Variants in TNRC18 observed in about 807,000 individuals in gnomAD.
TNRC18 encodes the protein trinucleotide repeat containing 18, also known as trinucleotide repeat-containing gene 18 protein.
TNRC18 carries 69 observed loss-of-function variants against 226.7 expected under a neutral mutation model. The observed-to-expected ratio is 0.30, with a 90% CI of 0.25 to 0.37. The LOEUF is 0.37. TNRC18 is among the 10% of genes least tolerant of loss of function. The pLI is 1.00. For synonymous variants in TNRC18, 2,449 were observed against 1,927.6 expected, an observed-to-expected ratio of 1.27 and a Z score of -7.09; for missense variants, 4,754 against 4,256.6, an observed-to-expected ratio of 1.12 and a Z score of -3.25.
At chr7:5,325,342 T>C (rs1403335268) in intron 19 of TNRC18, 94 bp from the exon 20 acceptor site, 2 of 1,427,768 alleles carry the variant, frequency 1.4e-6, no homozygotes, top group African/African-American at 1.5e-5. Context: ...CCAAGTTCTG[T>C]GCCACCCCAA....
In TNRC18 at chr7:5,345,547, C is replaced by CCCCCCCCCCCCCT; in HGVS notation, c.5719+14_5719+15insAGGGGGGGGGGGG. ...TCCCACCCACCCCCACCGCAGCCCACCTGCTGCCACTTACCCAGCAGGCTC... is the reference window on the plus strand; with the variant it reads ...TCCCACCCACCCCCACCGCAGCCCACCCCCCCCCCCCCTCTGCTGCCACTTACCCAGCAGGCTC... On this transcript the variant is annotated intron_variant, in intron 18 of 29. Coordinates refer to ENST00000430969, the MANE Select transcript of TNRC18 (RefSeq NM_001080495.3). 6.9e-7 allele frequency: 1 copy of CCCCCCCCCCCCCT among 1,447,874 alleles called. No individual in the cohort carries two copies. The highest frequency in any genetic ancestry group is 2.8e-5 in the East Asian group (1 of 36,350). 89.7% of individuals were successfully genotyped at this position (1,447,874 alleles called of 1,614,324 possible). A position where few individuals can be genotyped will look rare whatever the true frequency, so the allele number is the denominator to read the frequency against.
chr7:5,397,425 C>T (rs1392225134), intron 2 of TNRC18, among the ~76,000 whole-genome samples: 1 of 152,230 alleles, frequency 6.6e-6, no homozygotes, highest in African/African-American at 2.4e-5. Flanking sequence ...CCAACGGCTC[C>T]TGCCCACCAC....
chr7:5,372,382 C>T (rs9718797), intron 10 of TNRC18, among the ~76,000 whole-genome samples: 50,150 of 149,690 alleles, frequency 0.34, 9,192 homozygotes, highest in South Asian at 0.43. Context: ...CGGCCGTGCC[C>T]GGCTAATTTT....
rs529273956 is a variant in TNRC18 at position 5,399,479 on chromosome 7, G to A, written c.188-4884C>T. The stretch of plus-strand genomic sequence containing the variant: ...TATAATCCCAGCACTTTGGGAGGAC[G>A]AGGCGGGCAGATCACTTGAGGCCAG... On this transcript the variant is annotated intron_variant, in intron 2 of 29. Coordinates refer to ENST00000430969, the MANE Select transcript of TNRC18 (RefSeq NM_001080495.3). Among the ~76,000 whole-genome samples, 13 of 151,492 alleles carry A rather than the reference G, an allele frequency of 8.6e-5. No homozygotes were observed. In the South Asian group the frequency reaches 1.3e-3, roughly 15 times the overall value.
intron 16 of TNRC18, among the ~76,000 whole-genome samples, chr7:5,356,034 C>T (rs988393368): frequency 1.3e-5 from 2 of 151,944 alleles, no homozygotes; most frequent in Non-Finnish European, 2.9e-5. Flanking sequence ...TGTGGTGGCA[C>T]AAGCCTGTAG....
chr7:5,353,509 G>A (rs1353729945), intron 16 of TNRC18, among the ~76,000 whole-genome samples: 5 of 141,884 alleles, frequency 3.5e-5, no homozygotes, highest in East Asian at 2.1e-4. Flanking sequence ...CAGTGCGGCC[G>A]AGATCACACC....
rs1236585130 is a variant in TNRC18, at chr7:5,376,180, G to C, written c.2653C>G (p.Leu885Val). Reference sequence around the variant, plus strand: ...AGGGGGCTGCGGCCCGGCGGGTACAGGGCGGGCCAGAGGGGCGGTACGGTG... The same window carrying C: ...AGGGGGCTGCGGCCCGGCGGGTACACGGCGGGCCAGAGGGGCGGTACGGTG... ...RATVPPLWPA[L>V]YPPGRSPLHH... Residue 885 changes from leucine to valine, a missense_variant, in exon 9 of 30, where the codon CTG (leucine) becomes GTG (valine). By Grantham distance (32) the Leu-to-Val change is conservative. Coordinates refer to ENST00000430969, the MANE Select transcript of TNRC18 (RefSeq NM_001080495.3). The C allele has an allele frequency of 3.2e-6, 5 of 1,561,798 alleles. No homozygotes were observed. The East Asian group carries it at 1.2e-4, about 36-fold the overall frequency.
rs1350917652 is a variant in TNRC18, at chr7:5,312,204, G to T, written c.8388+299C>A. Among the ~76,000 whole-genome samples, 7 of 152,214 alleles carry T rather than the reference G, an allele frequency of 4.6e-5. No individual in the cohort carries two copies. The highest frequency in any genetic ancestry group is 7.3e-5 in the Non-Finnish European group (5 of 68,034). ...TTCCACGTGGCGCCGACGCCTGTGG[G>T]TCTGTGCTGATCTTTGCACGTTTCC... is the stretch of plus-strand genomic sequence containing the variant. On this transcript the variant is annotated intron_variant, in intron 27 of 29. Coordinates refer to ENST00000430969, the MANE Select transcript of TNRC18 (RefSeq NM_001080495.3). The surrounding 1 kb of genome is among the most constrained non-coding windows in gnomAD (Gnocchi z 6.3).
At chr7:5,362,151 G>A in intron 12 of TNRC18, 118 bp from the exon 13 acceptor site, 1 of 1,265,514 alleles carries the variant, frequency 7.9e-7, no homozygotes, top group Non-Finnish European at 1.1e-6. Flanking sequence ...TGGGGCTCGA[G>A]TCCCACCGCT....
intron 2 of TNRC18, among the ~76,000 whole-genome samples, chr7:5,397,419 C>T (rs1207927308): frequency 6.6e-6 from 1 of 152,224 alleles, no homozygotes; most frequent in South Asian, 2.1e-4. Context: ...TGCCAGCCAA[C>T]GGCTCCTGCC....
chr7:5,373,237 T>C (rs117072088), intron 10 of TNRC18, among the ~76,000 whole-genome samples: 5,613 of 152,120 alleles, frequency 0.037, 245 homozygotes, highest in Admixed American at 0.13. Flanking sequence ...AACAGGAGGA[T>C]CGCTCGAGTC....
chr7:5,392,137 C>G (rs1291320202), intron 3 of TNRC18, among the ~76,000 whole-genome samples: 1 of 152,108 alleles, frequency 6.6e-6, no homozygotes, highest in African/African-American at 2.4e-5. Context: ...AACAAAAGGG[C>G]TACCCGATAC....
At chr7:5,350,210 G>A (rs575653423) in intron 17 of TNRC18, among the ~76,000 whole-genome samples, 16 of 152,144 alleles carry the variant, frequency 1.1e-4, no homozygotes, top group Admixed American at 2.6e-4. Context: ...GGGAGGCCTC[G>A]GAAAACGAGG....
chr7:5,324,107 G>GC lies in TNRC18; in HGVS notation c.6442+106dup. On this transcript the variant is annotated intron_variant, in intron 21 of 29. Transcript: ENST00000430969. This position sits in a 1 kb window ranked among gnomAD's most constrained non-coding sequence, Gnocchi z 4.8. ...AGGATCTCTGCTCCTGTGGTTCCCT[G>GC]CCCCCAGCTAGCCCAGCCCTTCAGT... The GC allele has an allele frequency of 1.6e-6, 2 of 1,280,580 alleles. No individual in the cohort carries two copies. The highest frequency in any genetic ancestry group is 1.1e-6 in the Non-Finnish European group (1 of 945,140). The allele number at this position is 1,280,580 out of a possible 1,614,324, so 79.3% of individuals were successfully genotyped here.
chr7:5,321,960 C>T (rs1562489954), intron 21 of TNRC18, among the ~76,000 whole-genome samples: 1 of 151,874 alleles, frequency 6.6e-6, no homozygotes, highest in Non-Finnish European at 1.5e-5. Flanking sequence ...TGTGAGCCAC[C>T]GTGCCCGGCC....
chr7:5,358,246 T>C (rs1311632200), intron 15 of TNRC18, among the ~76,000 whole-genome samples: 1 of 152,232 alleles, frequency 6.6e-6, no homozygotes. Context: ...ATTAAATTCC[T>C]GCCTGCATGT....
chr7:5,366,885 G>A (rs1222997457), intron 11 of TNRC18, among the ~76,000 whole-genome samples: 1 of 152,138 alleles, frequency 6.6e-6, no homozygotes, highest in Admixed American at 6.6e-5. Context: ...GGCAAGGGAC[G>A]CCCAAGTGAC....
At chr7:5,390,328 C>T (rs1420280623) in intron 4 of TNRC18, 157 bp downstream of exon 4, 1 of 815,330 alleles carries the variant, frequency 1.2e-6, no homozygotes, top group Admixed American at 3.0e-5. Flanking sequence ...CACTGCACTC[C>T]AGCCTGGGCA....
At chr7:5,380,552 C>G (rs1254107486) in intron 5 of TNRC18, among the ~76,000 whole-genome samples, 1 of 152,248 alleles carries the variant, frequency 6.6e-6, no homozygotes, top group Non-Finnish European at 1.5e-5. Context: ...TACGGAGGGA[C>G]AGCCGGGCAG....
Sources: allele counts gnomAD v4.1 joint callset (sites outside exome capture counted in the v4.1 genomes callset), GRCh38; gene constraint gnomAD v4.1.1; non-coding constraint Gnocchi (gnomAD v3.1); transcripts MANE v1.5; gene names NCBI Gene and HGNC (gene_info 2026-07-23, HGNC 2026-07-21).